Variants in BICDL2 observed in about 807,000 individuals in gnomAD.
The protein encoded by BICDL2 is BICD family like cargo adaptor 2, also known as BICD family-like cargo adapter 2.
Under a neutral mutation model 56.6 loss-of-function variants are expected in BICDL2, and 62 were observed. That is an observed-to-expected ratio of 1.10 (90% confidence interval 0.89 to 1.35). The LOEUF (loss-of-function observed/expected upper bound fraction) is 1.35. BICDL2 is among the 40% of genes most tolerant of loss of function. The pLI is 0.00. For synonymous variants in BICDL2, 358 were observed against 319.8 expected (o/e 1.12, Z -1.27); for missense variants, 808 against 684.5 (o/e 1.18, Z -2.01).
At chr16:3,031,971 G>C (rs1311927238) in intron 2 of BICDL2, 1 of 152,388 alleles carries the variant, frequency 6.6e-6, no homozygotes, top group East Asian at 1.9e-4. Flanking sequence ...TTACTCTTTG[G>C]CCCAGGCTAG....
At chr16:3,036,388 A>G in intron 1 of BICDL2, 1 of 452,076 alleles carries the variant, frequency 2.2e-6, no homozygotes. Context: ...GCTGGGGTTC[A>G]GGGGCTCGGG....
chr16:3,028,623 C>A (rs1372661234), intron 8 of BICDL2, 77 bp downstream of exon 8: 12 of 1,519,932 alleles, frequency 7.9e-6, no homozygotes, highest in South Asian at 1.2e-5. Context: ...ATCATTATAA[C>A]CCGTATCAGA....
intron 2 of BICDL2, 39 bp downstream of exon 2, chr16:3,035,176 T>TTGGCCGGGGGGGGGGGGGGGGGGGGGG: frequency 1.5e-5 from 2 of 136,272 alleles, no homozygotes; most frequent in Non-Finnish European, 2.7e-5. Context: ...CGTCCTCCCC[T>TTGGCCGGGGGGGGGGGGGGGGGGGGGG]GCCCACCCAC....
rs536415472 is a variant in BICDL2 at position 3,029,304 on chromosome 16, C to T, written c.1083G>A (p.Val361=). The T allele has an allele frequency of 1.2e-4, 188 of 1,611,698 alleles. No individual in the cohort carries two copies. Among genetic ancestry groups the T allele is most frequent in the Non-Finnish European group, 1.5e-4 (182 of 1,179,408 alleles). The change falls in exon 7 of 10, where the codon GTG becomes GTA. Residue 361 remains valine (V), a synonymous_variant. Transcript: ENST00000572449. ...SPAEILEEKE[V]EVAKLQDEIS... ...CCTCATCTTGCAGCTTGGCCACTTCCACCTCCTTCTCCTCCAGTATCTCCG... is the reference window on the plus strand; with the variant it reads ...CCTCATCTTGCAGCTTGGCCACTTCTACCTCCTTCTCCTCCAGTATCTCCG...
chr16:3,034,546 T>C (rs1456492076), intron 2 of BICDL2, among the ~76,000 whole-genome samples: 1 of 152,132 alleles, frequency 6.6e-6, no homozygotes. Flanking sequence ...CCTCCCAAAG[T>C]GCTGGGATTA....
At chr16:3,028,658 C>A in intron 8 of BICDL2, 42 bp downstream of exon 8, 1 of 1,551,252 alleles carries the variant, frequency 6.4e-7, no homozygotes. Context: ...CCCAGGAGGG[C>A]CCAGAGGGCG....
chr16:3,031,318 G>C, intron 2 of BICDL2, 168 bp from the exon 3 acceptor site: 1 of 622,658 alleles, frequency 1.6e-6, no homozygotes. Flanking sequence ...GCGTGAGCAA[G>C]ACCCAGAGAT....
intron 4 of BICDL2, 32 bp from the exon 5 acceptor site, chr16:3,030,627 G>A: frequency 6.3e-7 from 1 of 1,594,572 alleles, no homozygotes; most frequent in Non-Finnish European, 8.5e-7. Context: ...GGGGACAGGG[G>A]CAGCCCCTCC....
intron 2 of BICDL2, chr16:3,031,825 C>A: frequency 3.1e-6 from 1 of 318,432 alleles, no homozygotes; most frequent in Non-Finnish European, 5.7e-6. Context: ...ATTTCATCCA[C>A]TAGAGGGAGA....
intron 2 of BICDL2, chr16:3,034,946 G>A (rs1955709022): frequency 2.1e-6 from 1 of 473,648 alleles, no homozygotes; most frequent in African/African-American, 1.9e-5. Context: ...CACTGGGCTA[G>A]TGATCTTCCT....
At chr16:3,036,490 C>G (rs982957776) in intron 1 of BICDL2, 5 of 456,414 alleles carry the variant, frequency 1.1e-5, no homozygotes, top group Non-Finnish European at 1.8e-5. Flanking sequence ...CCCTCCTCCT[C>G]TCGCCCGGTG....
At position 3,035,280 on chromosome 16, in the gene BICDL2, C is replaced by T; in HGVS notation, c.217G>A (p.Glu73Lys). 1 of 1,553,102 alleles carries T rather than the reference C, an allele frequency of 6.4e-7. No individual in the cohort carries two copies. Among genetic ancestry groups the T allele is most frequent in the South Asian group, 1.2e-5 (1 of 84,440 alleles). Residue 73 changes from glutamate (E) to lysine (K), a missense_variant, in exon 2 of 10, where the codon GAG becomes AAG. Transcript: ENST00000572449. Reference sequence around the variant, plus strand: ...TGCCGCCGCAGCTCTTCATTTCGCTCCAGAAGCATCTTGCCGAGCTCCGCG... The same window carrying T: ...TGCCGCCGCAGCTCTTCATTTCGCTTCAGAAGCATCTTGCCGAGCTCCGCG... ...LAAELGKMLL[E>K]RNEELRRQLE...
At chr16:3,030,053 T>G (rs999183789) in intron 5 of BICDL2, 5 of 479,504 alleles carry the variant, frequency 1.0e-5, no homozygotes, top group Non-Finnish European at 1.8e-5. Context: ...CCCACAGTAG[T>G]AAGTAAGAAG....
chr16:3,035,997 G>T (rs992383906), intron 1 of BICDL2: 45 of 310,232 alleles, frequency 1.5e-4, no homozygotes, highest in Non-Finnish European at 1.9e-5. Flanking sequence ...CAGGAATCCA[G>T]CTCCTTCCCC....
Position 3,028,425 on chromosome 16 carries a change from G to A in BICDL2, c.1282C>T (p.Arg428Ter), listed in dbSNP as rs1368608963. The A allele has an allele frequency of 5.1e-6, 8 of 1,559,566 alleles. No homozygotes were observed. Among genetic ancestry groups the A allele is most frequent in the Non-Finnish European group, 6.9e-6 (8 of 1,161,474 alleles). ...SLQLNRVSLE[R>*]DSLSRELLRA... ...AGCAGCTCCCGAGACAGGGAGTCTC[G>A]CTCCAGCGAGACGCGGTTGAGCTGC... is the stretch of plus-strand genomic sequence containing the variant. The change falls in exon 9 of 10, where the codon CGA (arginine) becomes TGA (stop). Residue 428 changes from arginine to a stop codon, truncating the protein, a stop_gained. Coordinates refer to ENST00000572449, the MANE Select transcript of BICDL2 (RefSeq NM_001369667.1). LOFTEE classifies it high-confidence loss of function.
chr16:3,028,492 G>T, intron 8 of BICDL2, 24 bp from the exon 9 acceptor site: 2 of 1,569,182 alleles, frequency 1.3e-6, no homozygotes, highest in Non-Finnish European at 1.7e-6. Context: ...AGCAGAAGAC[G>T]CGTTTGAGGG....
chr16:3,030,180 G>C, intron 5 of BICDL2: 1 of 512,098 alleles, frequency 2.0e-6, no homozygotes, highest in East Asian at 3.3e-5. Flanking sequence ...TTGCGCAGCC[G>C]TGGTCTAGGG....
intron 5 of BICDL2, 80 bp from the exon 6 acceptor site, chr16:3,029,819 G>T: frequency 7.9e-7 from 1 of 1,269,444 alleles, no homozygotes; most frequent in Middle Eastern, 2.7e-4. Context: ...AGGTCCACAC[G>T]GGGGTGCCGC....
intron 2 of BICDL2, 38 bp downstream of exon 2, chr16:3,035,177 G>GT: frequency 1.7e-5 from 2 of 118,826 alleles, no homozygotes; most frequent in South Asian, 2.8e-4. Context: ...GTCCTCCCCT[G>GT]CCCACCCACC....
Sources: allele counts gnomAD v4.1 joint callset (sites outside exome capture counted in the v4.1 genomes callset), GRCh38; gene constraint gnomAD v4.1.1; transcripts MANE v1.5; gene names NCBI Gene and HGNC (gene_info 2026-07-23, HGNC 2026-07-21).